Variants in SPINK5 observed in about 807,000 individuals in gnomAD.
SPINK5 encodes the protein serine peptidase inhibitor Kazal type 5.
Under a neutral mutation model 151.8 loss-of-function variants are expected in SPINK5, and 125 were observed. That is an observed-to-expected ratio of 0.82 (90% CI 0.71 to 0.96). The LOEUF (loss-of-function observed/expected upper bound fraction) is 0.96. Among genes scored for constraint, SPINK5 ranks in the 40% least tolerant of loss-of-function variants. The pLI, the probability that SPINK5 is intolerant of heterozygous loss-of-function variation, is 0.00. For missense variants in SPINK5, 1,194 were observed against 1,291.9 expected (o/e 0.92, Z 1.16); for synonymous variants, 374 against 395.3 (o/e 0.95, Z 0.64).
intron 10 of SPINK5, among the ~76,000 whole-genome samples, chr5:148,097,304 T>C (rs1753496383): frequency 6.6e-6 from 1 of 152,044 alleles, no homozygotes; most frequent in South Asian, 2.1e-4. Context: ...TAGTGGTCTT[T>C]GATTTTCAAG....
chr5:148,078,941 AC>A (rs1752952472), intron 4 of SPINK5, among the ~76,000 whole-genome samples: 1 of 150,902 alleles, frequency 6.6e-6, no homozygotes, highest in South Asian at 2.1e-4. Context: ...AATTAGTAAA[AC>A]ACAAAACATA....
chr5:148,092,965 T>G (rs551684871), intron 8 of SPINK5, among the ~76,000 whole-genome samples: 9 of 152,068 alleles, frequency 5.9e-5, no homozygotes, highest in African/African-American at 2.2e-4. Context: ...ATTGTAGAAG[T>G]AGTAACTGTG....
intron 18 of SPINK5, among the ~76,000 whole-genome samples, chr5:148,109,670 A>G (rs1158346979): frequency 1.3e-5 from 2 of 152,088 alleles, no homozygotes; most frequent in African/African-American, 2.4e-5. Flanking sequence ...CCTGCAGACT[A>G]TGCCTTAGGT....
At chr5:148,088,031 GGT>G (rs2113060455) in intron 5 of SPINK5, among the ~76,000 whole-genome samples, 1 of 151,366 alleles carries the variant, frequency 6.6e-6, no homozygotes, top group African/African-American at 2.4e-5. Context: ...TTACATTTGC[GGT>G]TCTGTGTTTT....
intron 4 of SPINK5, among the ~76,000 whole-genome samples, chr5:148,076,841 G>T (rs1752895106): frequency 6.6e-6 from 1 of 151,584 alleles, no homozygotes. Context: ...TCAGTAGAGA[G>T]GCTCAGAAGC....
rs1754221908 is a variant in SPINK5, at chr5:148,120,315, A to G, written c.2462A>G (p.Lys821Arg). 3 of 1,606,078 alleles carry G rather than the reference A, an allele frequency of 1.9e-6. No homozygotes were observed. Among genetic ancestry groups the G allele is most frequent in the Non-Finnish European group, 2.6e-6 (3 of 1,175,446 alleles). ...CCCAGGGAAAGGGAAGCAGCTGAAA[A>G]AAAAAAGAAAGAGGATGAAGACAGG... ...KEKLEREAAE[K>R]KKKEDEDRSN... Residue 821 changes from lysine (K) to arginine (R), a missense_variant, in exon 26 of 33, where the codon AAA (lysine) becomes AGA (arginine). By Grantham distance (26) the Lys-to-Arg change is conservative. Transcript: ENST00000256084.
Position 148,076,738 on chromosome 5 carries a change from C to T in SPINK5, c.282+4518C>T, listed in dbSNP as rs150788567. On this transcript the variant is annotated intron_variant, in intron 4 of 32. Transcript: ENST00000256084. Reference sequence around the variant, plus strand: ...GAAAGTATAATAACAATGAATAAGCCGATAAAAACTTTCAATGAAAAGACA... The same window carrying T: ...GAAAGTATAATAACAATGAATAAGCTGATAAAAACTTTCAATGAAAAGACA... Among the ~76,000 whole-genome samples the T allele has an allele frequency of 2.0e-4, 30 of 151,366 alleles. No individual in the cohort carries two copies. In the East Asian group the frequency reaches 5.1e-3, roughly 26 times the overall value.
At chr5:148,090,092 T>C (rs1016140311) in intron 7 of SPINK5, among the ~76,000 whole-genome samples, 4 of 151,850 alleles carry the variant, frequency 2.6e-5, no homozygotes, top group African/African-American at 7.2e-5. Context: ...ACGCGGATCA[T>C]TACAAAAGGA....
intron 1 of SPINK5, among the ~76,000 whole-genome samples, chr5:148,064,926 T>G (rs1482241018): frequency 3.3e-5 from 5 of 152,102 alleles, no homozygotes; most frequent in Non-Finnish European, 1.5e-5. Flanking sequence ...TATGTATATA[T>G]CCTATAAATG....
intron 31 of SPINK5, 84 bp from the exon 32 acceptor site, chr5:148,133,713 G>A: frequency 1.5e-6 from 2 of 1,360,318 alleles, no homozygotes; most frequent in Non-Finnish European, 1.0e-6. Context: ...TGATACCCAA[G>A]TGTCCTGCAT....
intron 4 of SPINK5, among the ~76,000 whole-genome samples, chr5:148,075,332 AT>A (rs1410062806): frequency 9.3e-5 from 14 of 151,318 alleles, no homozygotes; most frequent in Non-Finnish European, 1.9e-4. Flanking sequence ...AAATAATTTG[AT>A]TTTTTAGTCT....
intron 26 of SPINK5, among the ~76,000 whole-genome samples, chr5:148,123,513 A>T (rs1353901133): frequency 1.8e-3 from 20 of 10,836 alleles, no homozygotes; most frequent in African/African-American, 6.0e-3. Context: ...CAGTGGTGCA[A>T]TATATGTGTA....
At position 148,064,012 on chromosome 5, in the gene SPINK5, G is replaced by A. The variant is rs1489221449; in HGVS notation, c.-33G>A. ...CTGCACCAGCTGAGCAATGCATGGA[G>A]TGGACCTGTAGGCGACTTGCATCGT... On this transcript the variant is annotated 5_prime_UTR_variant, in exon 1 of 33. It adds an upstream start codon to the 5' untranslated region. Transcript: ENST00000256084. 1.9e-6 allele frequency: 3 copies of A among 1,613,632 alleles called. No homozygotes were observed. The South Asian group carries it at 3.3e-5, about 18-fold the overall frequency.
At position 148,094,446 on chromosome 5, in the gene SPINK5, G is replaced by T. The variant is rs1263989759; in HGVS notation, c.759G>T (p.Met253Ile). 6.2e-7 allele frequency: 1 copy of T among 1,612,790 alleles called. No homozygotes were observed. Among genetic ancestry groups the T allele is most frequent in the South Asian group, 1.1e-5 (1 of 91,074 alleles). ...SDPVRGPDGR[M>I]HGNKCALCAE... ...CAGTCCGTGGCCCTGACGGCAGGAT[G>T]CATGGCAACAAATGTGCCCTGTGTG... Residue 253 changes from methionine (M) to isoleucine (I), a missense_variant, in exon 9 of 33, where the codon ATG (methionine) becomes ATT (isoleucine). By Grantham distance (10) the Met-to-Ile change is conservative. Transcript: ENST00000256084.
chr5:148,091,867 T>C (rs988071641), intron 8 of SPINK5, among the ~76,000 whole-genome samples: 1 of 151,852 alleles, frequency 6.6e-6, no homozygotes, highest in Non-Finnish European at 1.5e-5. Context: ...CAATCTAGTA[T>C]AAAAAGTTTT....
intron 14 of SPINK5, 45 bp downstream of exon 14, chr5:148,101,481 G>A (rs1320784884): frequency 1.4e-6 from 2 of 1,402,432 alleles, no homozygotes; most frequent in Admixed American, 1.7e-5. Context: ...TGGCCCTGAG[G>A]ATCCACAGAT....
At position 148,095,837 on chromosome 5, in the gene SPINK5, GAA is replaced by G. The variant is rs761490126; in HGVS notation, c.817_818del (p.Asn273GlnfsTer2). On this transcript the variant is annotated frameshift_variant, in exon 10 of 33. Transcript: ENST00000256084. LOFTEE classifies it high-confidence loss of function. ...AEIFKQRFSE[E>X]NSKTDQNLGK... Reference sequence around the variant, plus strand: ...TTCCAGCAAGCAGCGTTTTTCAGAGGAAAACAGTAAAACAGATCAAAATTTGG... The same window carrying G: ...TTCCAGCAAGCAGCGTTTTTCAGAGGAACAGTAAAACAGATCAAAATTTGG... The G allele has an allele frequency of 5.6e-6, 9 of 1,612,038 alleles. No homozygotes were observed. Among genetic ancestry groups the G allele is most frequent in the Non-Finnish European group, 7.6e-6 (9 of 1,178,802 alleles).
chr5:148,116,343 C>A (rs770461150), intron 21 of SPINK5, 27 bp from the exon 22 acceptor site: 3 of 1,609,618 alleles, frequency 1.9e-6, no homozygotes, highest in South Asian at 1.1e-5. Context: ...ATCTATTGTT[C>A]CCTACCTCCC....
intron 8 of SPINK5, among the ~76,000 whole-genome samples, chr5:148,093,286 G>A (rs995377516): frequency 1.1e-4 from 17 of 152,014 alleles, no homozygotes; most frequent in East Asian, 3.9e-4. Flanking sequence ...AACACAGAAA[G>A]TAGCCTGAAA....
Sources: gnomAD v4.1 joint callset for allele counts (sites outside exome capture counted in the v4.1 genomes callset) on GRCh38, gnomAD v4.1.1 for gene constraint, MANE v1.5 for transcripts, NCBI Gene and HGNC (gene_info 2026-07-23, HGNC 2026-07-21) for gene names.